The following KIAA0930 variants were observed in gnomAD, a reference collection of about 807,000 sequenced individuals.
KIAA0930 encodes the protein KIAA0930.
KIAA0930 carries 24 observed loss-of-function variants against 43.9 expected under a neutral mutation model. That is an observed-to-expected ratio of 0.55 (90% confidence interval 0.40 to 0.77). KIAA0930 has a LOEUF of 0.77. KIAA0930 is among the 30% of genes least tolerant of loss of function. The pLI is 0.00. For missense variants in KIAA0930, 461 were observed against 574.2 expected, an observed-to-expected ratio of 0.80 and a Z score of 2.02; for synonymous variants, 259 against 216.4, an observed-to-expected ratio of 1.20 and a Z score of -1.73.
chr22:45,203,693 G>T, intron 6 of KIAA0930, 152 bp downstream of exon 6: 1 of 766,618 alleles, frequency 1.3e-6, no homozygotes, highest in Non-Finnish European at 2.1e-6. Context: ...ACCAGGGAGC[G>T]CCTAGAAGGA....
chr22:45,202,937 G>A, intron 7 of KIAA0930, 53 bp downstream of exon 7: 2 of 1,465,562 alleles, frequency 1.4e-6, no homozygotes, highest in Non-Finnish European at 1.9e-6. Context: ...GGGAGACGGT[G>A]GAAAGTGAAC....
intron 2 of KIAA0930, among the ~76,000 whole-genome samples, chr22:45,211,735 A>G (rs2083695410): frequency 6.6e-6 from 1 of 152,218 alleles, no homozygotes; most frequent in Non-Finnish European, 1.5e-5. Flanking sequence ...CTTCAGGGTC[A>G]CAGTGAAGAT....
chr22:45,240,080 GTTCGGGGGGCCA>G (rs906170235), intron 1 of KIAA0930, among the ~76,000 whole-genome samples: 3 of 152,112 alleles, frequency 2.0e-5, no homozygotes, highest in African/African-American at 7.2e-5. Flanking sequence ...AAGCGGGCGG[GTTCGGGGGGCCA>G]TTGCCCAACA....
intron 7 of KIAA0930, among the ~76,000 whole-genome samples, chr22:45,201,223 A>C (rs1271312454): frequency 6.6e-6 from 1 of 152,260 alleles, no homozygotes; most frequent in African/African-American, 2.4e-5. Context: ...AGCATGTGTC[A>C]CGCACTGGCT....
At position 45,211,973 on chromosome 22, in the gene KIAA0930, C is replaced by A; in HGVS notation, c.199G>T (p.Gly67Cys). The A allele has an allele frequency of 1.2e-6, 2 of 1,612,286 alleles. No individual in the cohort carries two copies. Among genetic ancestry groups the A allele is most frequent in the East Asian group, 2.2e-5 (1 of 44,874 alleles). ...RKLAYSGSES[G>C]ADGRKAAEPE... ...TCACTCACCTTCCTCCCGTCTGCAC[C>A]GCTTTCGCTGCCGGAGTACGCCAGC... Residue 67 changes from glycine to cysteine, a missense_variant, in exon 2 of 10, where the codon GGT becomes TGT. Physicochemically the swap from Gly to Cys is radical, Grantham distance 159. Coordinates refer to ENST00000336156, the MANE Select transcript of KIAA0930 (RefSeq NM_001009880.2).
At chr22:45,234,714 C>T (rs2083876126) in intron 1 of KIAA0930, among the ~76,000 whole-genome samples, 4 of 152,224 alleles carry the variant, frequency 2.6e-5, no homozygotes, top group Admixed American at 6.5e-5. Flanking sequence ...TGGATCCCAG[C>T]TATGTTTCCA....
At chr22:45,201,764 T>C (rs1012728858) in intron 7 of KIAA0930, among the ~76,000 whole-genome samples, 12 of 152,180 alleles carry the variant, frequency 7.9e-5, no homozygotes, top group East Asian at 5.8e-4. Context: ...AAAAAAGATA[T>C]ACAGAAGAGA....
chr22:45,201,893 A>G (rs1435491183), intron 7 of KIAA0930, among the ~76,000 whole-genome samples: 1 of 152,220 alleles, frequency 6.6e-6, no homozygotes, highest in Non-Finnish European at 1.5e-5. Flanking sequence ...CATCGTTTAC[A>G]TTCCCACGCC....
chr22:45,230,473 G>C (rs1238775063), intron 1 of KIAA0930, among the ~76,000 whole-genome samples: 1 of 152,084 alleles, frequency 6.6e-6, no homozygotes, highest in African/African-American at 2.4e-5. Context: ...TCTATGTCCG[G>C]AGGAAAAGAG....
At chr22:45,237,660 C>A (rs1028684977) in intron 1 of KIAA0930, among the ~76,000 whole-genome samples, 1 of 152,218 alleles carries the variant, frequency 6.6e-6, no homozygotes, top group African/African-American at 2.4e-5. Context: ...TGCTAAACAA[C>A]AACAAAAATC....
At chr22:45,226,079 G>A (rs973145995) in intron 1 of KIAA0930, 2 of 356,902 alleles carry the variant, frequency 5.6e-6, no homozygotes, top group South Asian at 2.0e-5. Flanking sequence ...GCCAGTGAAC[G>A]ACAAGAAACA....
intron 1 of KIAA0930, among the ~76,000 whole-genome samples, chr22:45,230,857 G>A (rs1373207085): frequency 6.6e-6 from 1 of 151,886 alleles, no homozygotes; most frequent in Non-Finnish European, 1.5e-5. Context: ...TGGGATTACA[G>A]GCGTGAGCCA....
intron 8 of KIAA0930, among the ~76,000 whole-genome samples, chr22:45,198,295 G>A (rs1375664362): frequency 2.0e-5 from 3 of 152,352 alleles, no homozygotes; most frequent in East Asian, 1.9e-4. Context: ...ACTAGGCACC[G>A]CCACCTGCAG....
chr22:45,229,717 C>T (rs539388688), intron 1 of KIAA0930, among the ~76,000 whole-genome samples: 46 of 152,304 alleles, frequency 3.0e-4, no homozygotes, highest in African/African-American at 8.2e-4. Flanking sequence ...ACAAGTCTTA[C>T]GGCTGGGGCT....
At chr22:45,202,270 CT>C (rs930550102) in intron 7 of KIAA0930, among the ~76,000 whole-genome samples, 13 of 152,256 alleles carry the variant, frequency 8.5e-5, no homozygotes, top group African/African-American at 2.9e-4. Context: ...GGCTGGAGAC[CT>C]TCTCCTGCCT....
At chr22:45,198,800 C>A (rs539011880) in intron 8 of KIAA0930, among the ~76,000 whole-genome samples, 2 of 152,188 alleles carry the variant, frequency 1.3e-5, no homozygotes, top group South Asian at 4.1e-4. Context: ...CAGGCGCCCA[C>A]CACCATGCCC....
chr22:45,239,781 G>A (rs561952175), intron 1 of KIAA0930, among the ~76,000 whole-genome samples: 1 of 152,256 alleles, frequency 6.6e-6, no homozygotes, highest in Admixed American at 6.5e-5. Flanking sequence ...TGGGGTGGGG[G>A]GTGGCTGACA....
chr22:45,213,379 A>G (rs752179335), intron 1 of KIAA0930: 2 of 1,303,350 alleles, frequency 1.5e-6, no homozygotes, highest in Non-Finnish European at 1.0e-6. Context: ...AGGAAAAGAG[A>G]AGGAGGCTTC....
At chr22:45,217,428 A>G (rs548135795) in intron 1 of KIAA0930, among the ~76,000 whole-genome samples, 1 of 151,066 alleles carries the variant, frequency 6.6e-6, no homozygotes, top group Admixed American at 6.6e-5. Context: ...CTAACACTGA[A>G]CTCATGGCCA....
Sources: gnomAD v4.1 joint callset for allele counts (sites outside exome capture counted in the v4.1 genomes callset) on GRCh38, gnomAD v4.1.1 for gene constraint, MANE v1.5 for transcripts, NCBI Gene and HGNC (gene_info 2026-07-23, HGNC 2026-07-21) for gene names.